The following CDK6 variants were observed in gnomAD, a reference collection of about 807,000 sequenced individuals.
The protein encoded by CDK6 is cyclin-dependent kinase 6.
CDK6 carries 6 observed loss-of-function variants against 37.1 expected under a neutral mutation model. That is an observed-to-expected ratio of 0.16 (90% CI 0.09 to 0.32). The LOEUF (loss-of-function observed/expected upper bound fraction) is 0.32, where lower values mean the gene tolerates loss of function less well. Among genes scored for constraint, CDK6 ranks in the 10% least tolerant of loss-of-function variants. The pLI is 1.00. For missense variants in CDK6, 224 were observed against 418.9 expected (o/e 0.53, Z 4.06); for synonymous variants, 160 against 161.3 (o/e 0.99, Z 0.06).
At chr7:92,690,657 T>A (rs1030538047) in intron 4 of CDK6, among the ~76,000 whole-genome samples, 6 of 152,206 alleles carry the variant, frequency 3.9e-5, no homozygotes, top group African/African-American at 1.4e-4. Context: ...ACAGAATTAG[T>A]GATCCTTGGA....
At chr7:92,821,831 G>A (rs1801181452) in intron 2 of CDK6, among the ~76,000 whole-genome samples, 3 of 152,014 alleles carry the variant, frequency 2.0e-5, no homozygotes, top group African/African-American at 7.2e-5. Flanking sequence ...GGAGGAAGGT[G>A]CTTGGAATGG....
At chr7:92,714,189 A>C (rs1466730351) in intron 4 of CDK6, among the ~76,000 whole-genome samples, 2 of 152,174 alleles carry the variant, frequency 1.3e-5, no homozygotes, top group Non-Finnish European at 2.9e-5. Context: ...ACTTAACTTT[A>C]TCCTGGGGAG....
chr7:92,830,473 TAA>T (rs1386619390), intron 2 of CDK6, among the ~76,000 whole-genome samples: 1 of 152,208 alleles, frequency 6.6e-6, no homozygotes, highest in Non-Finnish European at 1.5e-5. Context: ...AAGAAACCAT[TAA>T]AGAACCAGGC....
rs1175195840 is a variant in CDK6, at chr7:92,672,184, G to GACACACACACACACACACACAC, written c.538-650_538-649insGTGTGTGTGTGTGTGTGTGTGT. ...ATACACATACACACACACACACACA[G>GACACACACACACACACACACAC]ACACATACACACACACACACACACA... On this transcript the variant is annotated intron_variant, in intron 4 of 7. Transcript: ENST00000424848. Among the ~76,000 whole-genome samples the GACACACACACACACACACACAC allele has an allele frequency of 2.3e-4, 10 of 44,134 alleles. 1 individual carries two copies. Among genetic ancestry groups the GACACACACACACACACACACAC allele is most frequent in the African/African-American group, 3.8e-4 (3 of 7,964 alleles). 29.0% of individuals were successfully genotyped at this position (44,134 alleles called of 152,430 possible). A position where few individuals can be genotyped will look rare whatever the true frequency, so the allele number is the denominator to read the frequency against.
At chr7:92,762,563 A>G (rs1799482325) in intron 3 of CDK6, among the ~76,000 whole-genome samples, 2 of 151,838 alleles carry the variant, frequency 1.3e-5, no homozygotes, top group South Asian at 4.2e-4. Flanking sequence ...CCGTATTCAT[A>G]GAACACCTTT....
At chr7:92,615,403 G>T in intron 7 of CDK6, 117 bp from the exon 8 acceptor site, 1 of 772,248 alleles carries the variant, frequency 1.3e-6, no homozygotes, top group Non-Finnish European at 2.1e-6. Context: ...GTGGGAATGA[G>T]TATTTATTTA....
At position 92,614,938 on chromosome 7, in the gene CDK6, C is replaced by A; in HGVS notation, c.*202G>T. The stretch of plus-strand genomic sequence containing the variant: ...ACAGACAAACAAACAAACAAATGAA[C>A]ATAAAGCTGCAATCACTCTTGCATT... On this transcript the variant is annotated 3_prime_UTR_variant, in exon 8 of 8. Transcript: ENST00000424848. The A allele has an allele frequency of 2.1e-6, 1 of 478,098 alleles. No homozygotes were observed. The highest frequency in any genetic ancestry group is 3.7e-6 in the Non-Finnish European group (1 of 269,654). 29.6% of individuals were successfully genotyped at this position (478,098 alleles called of 1,614,324 possible).
intron 4 of CDK6, among the ~76,000 whole-genome samples, chr7:92,711,480 G>C (rs1386755369): frequency 6.9e-6 from 1 of 145,034 alleles, no homozygotes; most frequent in Non-Finnish European, 1.5e-5. Flanking sequence ...TGTTAATAGT[G>C]GCTTTTTTTC....
intron 3 of CDK6, among the ~76,000 whole-genome samples, chr7:92,754,417 CA>C (rs1445304109): frequency 2.0e-5 from 3 of 152,260 alleles, no homozygotes; most frequent in Non-Finnish European, 4.4e-5. Flanking sequence ...TAAATGAACG[CA>C]AAACCTGTTG....
At chr7:92,640,699 A>G (rs1191393397) in intron 5 of CDK6, among the ~76,000 whole-genome samples, 2 of 152,200 alleles carry the variant, frequency 1.3e-5, no homozygotes, top group Non-Finnish European at 2.9e-5. Flanking sequence ...ATTGAATGAC[A>G]TTCATTTAAT....
chr7:92,676,554 T>G (rs1797207515), intron 4 of CDK6, among the ~76,000 whole-genome samples: 1 of 152,198 alleles, frequency 6.6e-6, no homozygotes, highest in Non-Finnish European at 1.5e-5. Context: ...GAGTTTCTGT[T>G]TTCCTTCCCC....
intron 5 of CDK6, among the ~76,000 whole-genome samples, chr7:92,660,299 A>G (rs561422208): frequency 6.6e-6 from 1 of 152,328 alleles, no homozygotes; most frequent in East Asian, 1.9e-4. Context: ...ACAGTGCTTC[A>G]GGCCTCTTCG....
intron 5 of CDK6, among the ~76,000 whole-genome samples, chr7:92,657,491 T>A (rs1342487627): frequency 6.6e-6 from 1 of 152,204 alleles, no homozygotes; most frequent in Non-Finnish European, 1.5e-5. Context: ...TTCTGTAGAA[T>A]AATCTTTGAA....
chr7:92,685,339 C>T (rs1466010841), intron 4 of CDK6, among the ~76,000 whole-genome samples: 1 of 152,210 alleles, frequency 6.6e-6, no homozygotes, highest in African/African-American at 2.4e-5. Context: ...CTCACCTAGA[C>T]TCAGGGACTC....
At chr7:92,732,657 A>G (rs1054183356) in intron 3 of CDK6, among the ~76,000 whole-genome samples, 1 of 152,208 alleles carries the variant, frequency 6.6e-6, no homozygotes, top group Non-Finnish European at 1.5e-5. Flanking sequence ...AGGCCAATGA[A>G]GGCAATCACA....
At chr7:92,734,736 G>A (rs1381745221) in intron 3 of CDK6, among the ~76,000 whole-genome samples, 1 of 152,174 alleles carries the variant, frequency 6.6e-6, no homozygotes, top group Middle Eastern at 3.2e-3. Flanking sequence ...TTTGGATTAC[G>A]GGATAGGGAC....
intron 5 of CDK6, among the ~76,000 whole-genome samples, chr7:92,642,855 C>T (rs1244121597): frequency 6.6e-6 from 1 of 151,466 alleles, no homozygotes; most frequent in African/African-American, 2.4e-5. Flanking sequence ...GCTATGACTA[C>T]GGAACTGCTA....
At chr7:92,622,961 A>C in intron 6 of CDK6, 75 bp downstream of exon 6, 1 of 851,092 alleles carries the variant, frequency 1.2e-6, no homozygotes. Flanking sequence ...AACACATGAT[A>C]TGCATGTCAG....
chr7:92,789,736 A>G (rs928951430), intron 2 of CDK6, among the ~76,000 whole-genome samples: 1 of 152,208 alleles, frequency 6.6e-6, no homozygotes, highest in African/African-American at 2.4e-5. Context: ...GGGATTTAAT[A>G]TATGGAAACT....
Sources: allele counts gnomAD v4.1 joint callset (sites outside exome capture counted in the v4.1 genomes callset), GRCh38; gene constraint gnomAD v4.1.1; transcripts MANE v1.5; gene names NCBI Gene and HGNC (gene_info 2026-07-23, HGNC 2026-07-21).